The following ADCY8 variants were observed in gnomAD, a reference collection of about 807,000 sequenced individuals.
The protein encoded by ADCY8 is adenylate cyclase 8.
A neutral mutation model predicts 119.7 loss-of-function variants in ADCY8; 51 were observed. The ratio of observed to expected loss-of-function variants is 0.43; its 90% CI spans 0.34 to 0.54. The LOEUF is 0.54. Ranked by LOEUF, ADCY8 falls within the 20% of genes least tolerant of loss-of-function variation. The probability of loss-of-function intolerance (pLI) is 0.03; values close to 1 mark genes in which losing one functional copy is unlikely to be tolerated. For missense variants in ADCY8, 1,383 were observed against 1,598.8 expected (o/e 0.87, Z 2.30); for synonymous variants, 665 against 651.0 (o/e 1.02, Z -0.33).
chr8:130,836,614 A>G (rs1250299712), intron 11 of ADCY8, among the ~76,000 whole-genome samples, 165 bp from the exon 12 acceptor site: 3 of 152,174 alleles, frequency 2.0e-5, no homozygotes, highest in African/African-American at 7.2e-5. Flanking sequence ...TCATTTGCCT[A>G]CTGCCAAGCC....
At chr8:130,900,886 C>T (rs571240556) in intron 7 of ADCY8, among the ~76,000 whole-genome samples, 1 of 152,162 alleles carries the variant, frequency 6.6e-6, no homozygotes, top group Non-Finnish European at 1.5e-5. Context: ...GATCACTCTC[C>T]CTGGATTTTT....
At chr8:130,863,599 A>C (rs1181546887) in intron 9 of ADCY8, among the ~76,000 whole-genome samples, 1 of 151,768 alleles carries the variant, frequency 6.6e-6, no homozygotes, top group Non-Finnish European at 1.5e-5. Context: ...ATTTAATTTT[A>C]TTTTTTCCTA....
At chr8:130,994,297 A>G (rs1321504906) in intron 1 of ADCY8, among the ~76,000 whole-genome samples, 1 of 152,348 alleles carries the variant, frequency 6.6e-6, no homozygotes, top group Non-Finnish European at 1.5e-5. Context: ...TGAGTGATCC[A>G]TTTGTAAACT....
intron 11 of ADCY8, among the ~76,000 whole-genome samples, chr8:130,844,305 G>C (rs998929808): frequency 2.0e-5 from 3 of 152,106 alleles, no homozygotes; most frequent in African/African-American, 4.8e-5. Flanking sequence ...CTCCAACCAT[G>C]ACTGGAATAT....
chr8:131,001,486 C>T (rs1166681978), intron 1 of ADCY8, among the ~76,000 whole-genome samples: 1 of 151,600 alleles, frequency 6.6e-6, no homozygotes, highest in Non-Finnish European at 1.5e-5. Context: ...TGGGAATAAA[C>T]CCTTGCCTCA....
At chr8:130,810,347 TACAC>T (rs58781726) in intron 14 of ADCY8, among the ~76,000 whole-genome samples, 5,002 of 142,698 alleles carry the variant, frequency 0.035, 134 homozygotes, top group African/African-American at 0.059. Flanking sequence ...TCTCTTTTTC[TACAC>T]ACACACACAC....
chr8:130,800,695 G>T, intron 14 of ADCY8, 123 bp from the exon 15 acceptor site: 1 of 1,079,556 alleles, frequency 9.3e-7, no homozygotes, highest in East Asian at 2.4e-5. Flanking sequence ...CAGAAAATGA[G>T]GCTTGGATAT....
chr8:130,970,869 A>G (rs1478132403), intron 2 of ADCY8, among the ~76,000 whole-genome samples: 3 of 152,206 alleles, frequency 2.0e-5, no homozygotes, highest in Non-Finnish European at 4.4e-5. Context: ...CCAATGAGAA[A>G]TGACAGGGAC....
chr8:131,033,626 C>T (rs1484342937), intron 1 of ADCY8, among the ~76,000 whole-genome samples: 1 of 152,036 alleles, frequency 6.6e-6, no homozygotes, highest in East Asian at 1.9e-4. Context: ...TTACAACTCT[C>T]TAAATACAGA....
At chr8:130,811,050 A>G (rs7824132) in intron 14 of ADCY8, among the ~76,000 whole-genome samples, 1,894 of 152,038 alleles carry the variant, frequency 0.012, 36 homozygotes, top group African/African-American at 0.043. Context: ...CTCTGCTTCC[A>G]TGGCTTCATC....
At chr8:130,800,385 A>G in intron 15 of ADCY8, 41 bp downstream of exon 15, 2 of 1,612,350 alleles carry the variant, frequency 1.2e-6, no homozygotes, top group Non-Finnish European at 1.7e-6. Context: ...TTTGACAACG[A>G]TGCCCATTTG....
At chr8:130,954,950 G>A (rs1586602976) in intron 2 of ADCY8, among the ~76,000 whole-genome samples, 1 of 152,204 alleles carries the variant, frequency 6.6e-6, no homozygotes, top group East Asian at 1.9e-4. Flanking sequence ...AGGAAGATGA[G>A]GGACGAGTTT....
At chr8:130,889,652 A>G (rs962071068) in intron 7 of ADCY8, among the ~76,000 whole-genome samples, 3 of 152,182 alleles carry the variant, frequency 2.0e-5, no homozygotes, top group African/African-American at 4.8e-5. Context: ...CACCAGGCAC[A>G]TGAAATGTAT....
chr8:130,923,785 G>C (rs976812243), intron 5 of ADCY8, among the ~76,000 whole-genome samples: 34 of 152,114 alleles, frequency 2.2e-4, no homozygotes, highest in African/African-American at 7.7e-4. Flanking sequence ...ATGACATTAA[G>C]TGTTTCATTG....
chr8:130,848,579 C>A (rs1416057212), intron 10 of ADCY8, among the ~76,000 whole-genome samples: 1 of 152,162 alleles, frequency 6.6e-6, no homozygotes, highest in Non-Finnish European at 1.5e-5. Flanking sequence ...GGCTCCAAGT[C>A]ACAGGCCAAC....
At chr8:130,923,575 CT>C (rs1370631505) in intron 5 of ADCY8, among the ~76,000 whole-genome samples, 1 of 152,156 alleles carries the variant, frequency 6.6e-6, no homozygotes, top group African/African-American at 2.4e-5. Context: ...TCAAGAACAA[CT>C]TTTGCAGATC....
In ADCY8 at chr8:130,992,382, CATATATATATATATAT is replaced by C. The variant is rs1161136558; in HGVS notation, c.961-1856_961-1841del. ...TACATACATGAGCAACTGTATCTGG[CATATATATATATATAT>C]ATATATATATATATATATATATATA... On this transcript the variant is annotated intron_variant, in intron 1 of 17. Transcript: ENST00000286355. 7.3e-4 allele frequency among the ~76,000 whole-genome samples: 57 copies of C among 78,086 alleles called. 2 individuals are homozygous for C. Among genetic ancestry groups the C allele is most frequent in the African/African-American group, 1.9e-3 (35 of 18,764 alleles). 51.2% of individuals were successfully genotyped at this position (78,086 alleles called of 152,430 possible).
chr8:130,876,175 C>T (rs56293105), intron 8 of ADCY8, among the ~76,000 whole-genome samples: 51,923 of 151,814 alleles, frequency 0.34, 9,849 homozygotes, highest in East Asian at 0.56. Flanking sequence ...CTCAGCCTCC[C>T]GAGTAGCTGG....
chr8:130,807,722 T>C (rs56156425), intron 14 of ADCY8, among the ~76,000 whole-genome samples: 51,267 of 151,518 alleles, frequency 0.34, 8,834 homozygotes, highest in Middle Eastern at 0.41. Context: ...CGGTGGCTCA[T>C]GCCTGTAATC....
Sources: allele counts gnomAD v4.1 joint callset (sites outside exome capture counted in the v4.1 genomes callset), GRCh38; gene constraint gnomAD v4.1.1; transcripts MANE v1.5; gene names NCBI Gene and HGNC (gene_info 2026-07-23, HGNC 2026-07-21).